CCDC136: variants seen among roughly 807,000 people sequenced by gnomAD.
CCDC136 encodes coiled-coil domain containing 136, also known as coiled-coil domain-containing protein 136.
Under a neutral mutation model 141.2 loss-of-function variants are expected in CCDC136, and 100 were observed. The ratio of observed to expected loss-of-function variants is 0.71; its 90% confidence interval spans 0.60 to 0.84. The LOEUF is 0.84. CCDC136 is among the 40% of genes least tolerant of loss of function. CCDC136 has a pLI of 0.00. For synonymous variants in CCDC136, 474 were observed against 531.9 expected (o/e 0.89, Z 1.50); for missense variants, 1,206 against 1,379.4 (o/e 0.87, Z 1.99).
At position 128,811,817 on chromosome 7, in the gene CCDC136, G is replaced by A. The variant is rs1805768216; in HGVS notation, c.2046G>A (p.Met682Ile). 2 of 1,585,036 alleles carry A rather than the reference G, an allele frequency of 1.3e-6. No individual in the cohort carries two copies. The highest frequency in any genetic ancestry group is 1.9e-5 in the Admixed American group (1 of 53,600). ...CNRNKQSKLL[M>I]EQMQALQVMY... The stretch of plus-strand genomic sequence containing the variant: ...GCCCCCAGCAATCCAAGCTGCTCAT[G>A]GAGCAGATGCAGGCCCTGCAGGTGA... The change falls in exon 13 of 18, where the codon ATG becomes ATA. Residue 682 changes from methionine (M) to isoleucine (I), a missense_variant. Physicochemically the swap from Met to Ile is conservative, Grantham distance 10 (BLOSUM62 1). Coordinates refer to ENST00000297788, the MANE Select transcript of CCDC136 (RefSeq NM_022742.5).
intron 15 of CCDC136, among the ~76,000 whole-genome samples, chr7:128,815,214 G>A (rs1315428605): frequency 2.0e-5 from 3 of 152,194 alleles, no homozygotes; most frequent in Admixed American, 2.0e-4. Context: ...TGGGGCTCCT[G>A]TTCTTCCTGG....
intron 16 of CCDC136, 115 bp downstream of exon 16, chr7:128,816,046 C>A: frequency 1.0e-6 from 1 of 983,258 alleles, no homozygotes; most frequent in Non-Finnish European, 1.5e-6. Flanking sequence ...AGGCCTCGCG[C>A]TCTAAGGCAC....
In CCDC136 at chr7:128,794,838, G is replaced by T. The variant is rs1802705842; in HGVS notation, c.346+70G>T. 7 of 1,249,342 alleles carry T rather than the reference G, an allele frequency of 5.6e-6. No homozygotes were observed. The highest frequency in any genetic ancestry group is 3.8e-4 in the Middle Eastern group (2 of 5,244). The allele number at this position is 1,249,342 out of a possible 1,614,324, so 77.4% of individuals were successfully genotyped here. The stretch of plus-strand genomic sequence containing the variant: ...GTCACCTAAGTACTTTTTTCCTGAG[G>T]GTTTGACTGAAGCACAGCAGATAAA... On this transcript the variant is annotated intron_variant, in intron 3 of 17. Transcript: ENST00000297788. The surrounding 1 kb of genome is among the most constrained non-coding windows in gnomAD (Gnocchi z 4.3).
At chr7:128,791,385 C>G, upstream of CCDC136, 2 of 754,224 alleles carry the variant, frequency 2.7e-6, no homozygotes, top group Non-Finnish European at 1.8e-6. This position sits in a 1 kb window ranked among gnomAD's most constrained non-coding sequence, Gnocchi z 7.1. Flanking sequence ...CCGGCCAGGC[C>G]CCGCCCCCTC....
intron 3 of CCDC136, among the ~76,000 whole-genome samples, chr7:128,798,628 G>A (rs1803485835): frequency 6.6e-6 from 1 of 152,054 alleles, no homozygotes; most frequent in South Asian, 2.1e-4. Flanking sequence ...TTAGGGAGGT[G>A]GAGGTTGGTC....
intron 12 of CCDC136, chr7:128,811,381 T>A (rs773298733): frequency 2.2e-6 from 1 of 458,752 alleles, no homozygotes; most frequent in East Asian, 6.9e-5. Context: ...TTCTTCATAT[T>A]GCCGCATTCA....
intron 3 of CCDC136, among the ~76,000 whole-genome samples, chr7:128,798,890 T>C (rs1046257957): frequency 9.2e-5 from 14 of 152,060 alleles, no homozygotes; most frequent in Middle Eastern, 3.4e-3. Context: ...ACTGGAAAGA[T>C]TGGCAAAAGA....
intron 3 of CCDC136, among the ~76,000 whole-genome samples, chr7:128,798,032 C>T (rs1258231288): frequency 6.6e-6 from 1 of 150,906 alleles, no homozygotes; most frequent in Admixed American, 6.6e-5. Flanking sequence ...ATTCTCCTGC[C>T]TCAGCCTCCC....
upstream of CCDC136, chr7:128,791,426 G>A (rs1022566206): frequency 3.4e-6 from 4 of 1,184,504 alleles, no homozygotes; most frequent in South Asian, 2.8e-5. This position sits in a 1 kb window ranked among gnomAD's most constrained non-coding sequence, Gnocchi z 7.1. Flanking sequence ...TGCGCACCCG[G>A]CTCGGGTCCC....
chr7:128,793,449 A>G (rs1163603483), intron 1 of CCDC136, among the ~76,000 whole-genome samples: 1 of 152,352 alleles, frequency 6.6e-6, no homozygotes, highest in East Asian at 1.9e-4. Flanking sequence ...AATTTCAAAC[A>G]GGTATTTAAT....
chr7:128,801,628 G>T (rs745660345), intron 4 of CCDC136, 119 bp downstream of exon 4: 31 of 770,454 alleles, frequency 4.0e-5, no homozygotes, highest in Non-Finnish European at 5.9e-5. Context: ...AAACCTCCAG[G>T]TTGAATTCAA....
rs758596458 is a variant in CCDC136, at chr7:128,794,255, T to C, written c.17-93T>C. On this transcript the variant is annotated intron_variant, in intron 1 of 17. Transcript: ENST00000297788. The surrounding 1 kb of genome is among the most constrained non-coding windows in gnomAD (Gnocchi z 4.3). Reference sequence around the variant, plus strand: ...GACACCAGGTGGCACTAGTATGTCATCTCTGCCCTGGCATAGTGAGTTTGA... The same window carrying C: ...GACACCAGGTGGCACTAGTATGTCACCTCTGCCCTGGCATAGTGAGTTTGA... 6.5e-7 allele frequency: 1 copy of C among 1,533,096 alleles called. No homozygotes were observed. 95.0% of individuals were successfully genotyped at this position (1,533,096 alleles called of 1,614,324 possible).
chr7:128,815,093 G>A (rs1002529670), intron 15 of CCDC136, among the ~76,000 whole-genome samples, 174 bp downstream of exon 15: 1 of 152,216 alleles, frequency 6.6e-6, no homozygotes, highest in African/African-American at 2.4e-5. Context: ...CCCTTTTCCT[G>A]TGAAGTTATG....
intron 3 of CCDC136, among the ~76,000 whole-genome samples, chr7:128,799,103 A>G (rs1387239314): frequency 6.6e-6 from 1 of 150,518 alleles, no homozygotes; most frequent in African/African-American, 2.4e-5. Context: ...TGGGAAGCCA[A>G]GATGGATCGC....
chr7:128,811,762 T>A, intron 12 of CCDC136, 38 bp from the exon 13 acceptor site: 1 of 1,527,542 alleles, frequency 6.5e-7, no homozygotes, highest in Non-Finnish European at 8.8e-7. Context: ...GACTGAAGTG[T>A]CAGAGTAATG....
At chr7:128,816,612 A>G (rs1806677520) in intron 16 of CCDC136, among the ~76,000 whole-genome samples, 1 of 152,200 alleles carries the variant, frequency 6.6e-6, no homozygotes, top group Non-Finnish European at 1.5e-5. Flanking sequence ...CCTGGGATAT[A>G]TATGCCAGAA....
At position 128,811,996 on chromosome 7, in the gene CCDC136, A is replaced by G. The variant is rs1805802378; in HGVS notation, c.2225A>G (p.Glu742Gly). 3.7e-6 allele frequency: 6 copies of G among 1,614,028 alleles called. No homozygotes were observed. Among genetic ancestry groups the G allele is most frequent in the Non-Finnish European group, 5.1e-6 (6 of 1,179,868 alleles). The change falls in exon 13 of 18, where the codon GAG (glutamate) becomes GGG (glycine). Residue 742 changes from glutamate (E) to glycine (G), a missense_variant. By Grantham distance (98) the Glu-to-Gly change is moderately conservative. Coordinates refer to ENST00000297788, the MANE Select transcript of CCDC136 (RefSeq NM_022742.5). ...VQSPSIKMSL[E>G]SYGKSYGSMV... Reference sequence around the variant, plus strand: ...TCCCCTTCTATAAAAATGAGCCTTGAGTCCTACGGGAAGAGCTATGGTAGC... The same window carrying G: ...TCCCCTTCTATAAAAATGAGCCTTGGGTCCTACGGGAAGAGCTATGGTAGC...
At chr7:128,814,329 GC>G (rs1806247436) in intron 14 of CCDC136, among the ~76,000 whole-genome samples, 2 of 152,006 alleles carry the variant, frequency 1.3e-5, no homozygotes, top group Admixed American at 6.6e-5. Flanking sequence ...CAAGTGATCT[GC>G]CCACCTCAGC....
At position 128,804,670 on chromosome 7, in the gene CCDC136, G is replaced by A. The variant is rs2128908516; in HGVS notation, c.691G>A (p.Glu231Lys). The A allele has an allele frequency of 1.9e-6, 3 of 1,580,262 alleles. No homozygotes were observed. The highest frequency in any genetic ancestry group is 1.2e-5 in the South Asian group (1 of 85,864). The change falls in exon 5 of 18, where the codon GAA becomes AAA. Residue 231 changes from glutamate (E) to lysine (K), a missense_variant. Transcript: ENST00000297788. The part of the protein sequence containing the change: ...GLQEELQELR[E>K]RYHFLNEEYR... ...TGCAGAAGAACTGCAGGAGCTGCGG[G>A]AACGCTACCATTTCCTGAATGAGGA... is the stretch of plus-strand genomic sequence containing the variant.
Sources: allele counts gnomAD v4.1 joint callset (sites outside exome capture counted in the v4.1 genomes callset), GRCh38; gene constraint gnomAD v4.1.1; non-coding constraint Gnocchi (gnomAD v3.1); transcripts MANE v1.5; gene names NCBI Gene and HGNC (gene_info 2026-07-23, HGNC 2026-07-21).